UNC5C: variants seen among roughly 807,000 people sequenced by gnomAD.
UNC5C encodes the protein netrin receptor UNC5C.
A neutral mutation model predicts 99.8 loss-of-function variants in UNC5C; 47 were observed. The observed-to-expected ratio is 0.47, with a 90% CI of 0.37 to 0.60. The LOEUF is 0.60. Among genes scored for constraint, UNC5C ranks in the 20% least tolerant of loss-of-function variants. The pLI is 0.00. For missense variants in UNC5C, 1,062 were observed against 1,165.9 expected (o/e 0.91, Z 1.30); for synonymous variants, 487 against 452.2 (o/e 1.08, Z -0.98).
intron 1 of UNC5C, among the ~76,000 whole-genome samples, chr4:95,347,049 TAAAC>T (rs1743802154): frequency 6.6e-6 from 1 of 151,956 alleles, no homozygotes; most frequent in Non-Finnish European, 1.5e-5. Context: ...TTGGAACTAA[TAAAC>T]AAATTCAGTA....
intron 1 of UNC5C, among the ~76,000 whole-genome samples, chr4:95,436,296 T>TATTTTCA (rs1746790968): frequency 6.6e-6 from 1 of 151,940 alleles, no homozygotes; most frequent in African/African-American, 2.4e-5. Context: ...CTCTATTAAA[T>TATTTTCA]AATATATAAT....
chr4:95,426,974 A>G (rs1746504267), intron 1 of UNC5C, among the ~76,000 whole-genome samples: 1 of 152,246 alleles, frequency 6.6e-6, no homozygotes, highest in Non-Finnish European at 1.5e-5. Flanking sequence ...ACTAAACAAC[A>G]GATTTTTAAT....
chr4:95,170,975 TG>T (rs1427197971), intron 14 of UNC5C, among the ~76,000 whole-genome samples: 1 of 152,270 alleles, frequency 6.6e-6, no homozygotes, highest in Non-Finnish European at 1.5e-5. Flanking sequence ...CTCCAATTGC[TG>T]TATATCCTTA....
Position 95,482,555 on chromosome 4 carries a change from C to T in UNC5C, c.124+66179G>A, listed in dbSNP as rs1194109299. Among the ~76,000 whole-genome samples, 305 of 149,618 alleles carry T rather than the reference C, an allele frequency of 2.0e-3. 2 individuals are homozygous for T. The highest frequency in any genetic ancestry group is 4.9e-3 in the Admixed American group (73 of 14,956). ...AATCATGCTGCTATAAAGACACATG[C>T]ACACGTATGTTTATTGCTGCACTAT... On this transcript the variant is annotated intron_variant, in intron 1 of 15. Transcript: ENST00000453304.
chr4:95,472,029 A>G (rs1373600910), intron 1 of UNC5C, among the ~76,000 whole-genome samples: 1 of 152,110 alleles, frequency 6.6e-6, no homozygotes, highest in Non-Finnish European at 1.5e-5. Context: ...GTGAACTTTT[A>G]TTTACAGGCT....
At chr4:95,489,145 AGAAG>A (rs1278690080) in intron 1 of UNC5C, among the ~76,000 whole-genome samples, 68 of 150,516 alleles carry the variant, frequency 4.5e-4, no homozygotes, top group Middle Eastern at 6.8e-3. Context: ...GAAGGAAGAA[AGAAG>A]GAAGGAAGGA....
chr4:95,327,400 C>T (rs1274336839), intron 2 of UNC5C, among the ~76,000 whole-genome samples: 1 of 151,952 alleles, frequency 6.6e-6, no homozygotes, highest in Non-Finnish European at 1.5e-5. Flanking sequence ...GAAAATAACA[C>T]ATTCACAGGA....
intron 1 of UNC5C, among the ~76,000 whole-genome samples, chr4:95,402,567 A>G (rs1344982778): frequency 1.3e-5 from 2 of 152,214 alleles, no homozygotes; most frequent in African/African-American, 4.8e-5. Flanking sequence ...GAGGGCCTTA[A>G]AACATTATGG....
At chr4:95,271,180 T>A (rs1252392220) in intron 4 of UNC5C, among the ~76,000 whole-genome samples, 1 of 152,224 alleles carries the variant, frequency 6.6e-6, no homozygotes, top group African/African-American at 2.4e-5. Flanking sequence ...CTGCTGAATC[T>A]CTACTGAGAT....
At chr4:95,373,245 C>T (rs1252471952) in intron 1 of UNC5C, among the ~76,000 whole-genome samples, 1 of 152,164 alleles carries the variant, frequency 6.6e-6, no homozygotes, top group Non-Finnish European at 1.5e-5. Context: ...CCCGGCTTTC[C>T]ATGGTTTCAT....
rs571966521 is a variant in UNC5C, at chr4:95,455,294, T to C, written c.124+93440A>G. Among the ~76,000 whole-genome samples the C allele has an allele frequency of 2.2e-3, 340 of 152,078 alleles. 2 individuals are homozygous for C. Among genetic ancestry groups the C allele is most frequent in the African/African-American group, 7.6e-3 (317 of 41,494 alleles). ...GTGATGTCTAAGCTGGAGATAGAGG[T>C]AAGGGGTTATGTTGTTCCCTCCCCA... On this transcript the variant is annotated intron_variant, in intron 1 of 15. Transcript: ENST00000453304.
At position 95,277,155 on chromosome 4, in the gene UNC5C, G is replaced by T. The variant is rs145808642; in HGVS notation, c.594+1104C>A. Among the ~76,000 whole-genome samples the T allele has an allele frequency of 3.4e-3, 518 of 152,260 alleles. 1 individual carries two copies. Among genetic ancestry groups the T allele is most frequent in the African/African-American group, 0.012 (483 of 41,546 alleles). ...ATGGACTATGTTGAAAGTCTCATTA[G>T]TATTATTTTTCCGTTTCAGAGATAG... On this transcript the variant is annotated intron_variant, in intron 4 of 15. Coordinates refer to ENST00000453304, the MANE Select transcript of UNC5C (RefSeq NM_003728.4).
rs189172732 is a variant in UNC5C at position 95,456,485 on chromosome 4, G to A, written c.124+92249C>T. Among the ~76,000 whole-genome samples the A allele has an allele frequency of 1.5e-3, 224 of 152,174 alleles. 1 individual carries two copies. Among genetic ancestry groups the A allele is most frequent in the African/African-American group, 5.3e-3 (222 of 41,534 alleles). On this transcript the variant is annotated intron_variant, in intron 1 of 15. Transcript: ENST00000453304. Reference sequence around the variant, plus strand: ...TCATTAGAACCTTCTTAATTCTGGAGTGCAAGAGATTAATTTGGTTCTAGT... The same window carrying A: ...TCATTAGAACCTTCTTAATTCTGGAATGCAAGAGATTAATTTGGTTCTAGT...
intron 1 of UNC5C, among the ~76,000 whole-genome samples, chr4:95,413,556 G>A (rs549121549): frequency 5.9e-5 from 9 of 152,100 alleles, no homozygotes; most frequent in South Asian, 4.1e-4. Flanking sequence ...AATATAATAC[G>A]ATTCAGAATA....
intron 1 of UNC5C, among the ~76,000 whole-genome samples, chr4:95,410,418 A>G (rs1235121078): frequency 6.6e-6 from 1 of 152,026 alleles, no homozygotes; most frequent in Non-Finnish European, 1.5e-5. Flanking sequence ...TTTATTTAAG[A>G]CTCCACCTCT....
chr4:95,238,580 C>T (rs1739212092), intron 7 of UNC5C, among the ~76,000 whole-genome samples: 1 of 152,086 alleles, frequency 6.6e-6, no homozygotes, highest in African/African-American at 2.4e-5. Context: ...TTTTCATTTT[C>T]AGTAGTTTAC....
In UNC5C at chr4:95,163,335, C is replaced by T. The variant is rs893918725; in HGVS notation, c.*5899G>A. 12 of 152,286 alleles carry T rather than the reference C, an allele frequency of 7.9e-5. 1 individual carries two copies. Among genetic ancestry groups the T allele is most frequent in the African/African-American group, 2.9e-4 (12 of 41,546 alleles). The allele number at this position is 152,286 out of a possible 1,614,324, so 9.4% of individuals were successfully genotyped here. On this transcript the variant is annotated 3_prime_UTR_variant, in exon 16 of 16. Transcript: ENST00000453304. Reference sequence around the variant, plus strand: ...AGATTTCTTGCTCTTATATGTCACTCCGAACAGAGTTGTTTTAACATTGAG... The same window carrying T: ...AGATTTCTTGCTCTTATATGTCACTTCGAACAGAGTTGTTTTAACATTGAG...
intron 7 of UNC5C, among the ~76,000 whole-genome samples, chr4:95,223,113 T>C (rs750496023): frequency 2.6e-5 from 4 of 152,136 alleles, no homozygotes; most frequent in Non-Finnish European, 5.9e-5. Flanking sequence ...ATATGGATAA[T>C]GATAATAATG....
intron 1 of UNC5C, among the ~76,000 whole-genome samples, chr4:95,443,252 C>T (rs1177516197): frequency 2.0e-5 from 3 of 152,114 alleles, no homozygotes; most frequent in African/African-American, 7.2e-5. Context: ...GTGATCAGAT[C>T]AGAAAGGACA....
Sources: gnomAD v4.1 joint callset for allele counts (sites outside exome capture counted in the v4.1 genomes callset) on GRCh38, gnomAD v4.1.1 for gene constraint, MANE v1.5 for transcripts, NCBI Gene and HGNC (gene_info 2026-07-23, HGNC 2026-07-21) for gene names.